The following CD8B2 variants were observed in gnomAD, a reference collection of about 807,000 sequenced individuals.
The protein encoded by CD8B2 is T-cell surface glycoprotein CD8 beta-2 chain.
Under a neutral mutation model 23.7 loss-of-function variants are expected in CD8B2, and 11 were observed. That is an observed-to-expected ratio of 0.46 (90% CI 0.29 to 0.77). The LOEUF (loss-of-function observed/expected upper bound fraction) is 0.77. Among genes scored for constraint, CD8B2 ranks in the 30% least tolerant of loss-of-function variants. The probability of loss-of-function intolerance (pLI) is 0.09; values close to 1 mark genes in which losing one functional copy is unlikely to be tolerated. For missense variants in CD8B2, 197 were observed against 270.5 expected (o/e 0.73, Z 1.91); for synonymous variants, 90 against 109.3 (o/e 0.82, Z 1.10).
chr2:106,488,217 G>T (rs1477189637), intron 1 of CD8B2, among the ~76,000 whole-genome samples: 2 of 151,638 alleles, frequency 1.3e-5, no homozygotes, highest in African/African-American at 4.8e-5. Flanking sequence ...CCCGCCGGGG[G>T]TTCTGGCCCA....
chr2:106,513,987 C>T (rs1433482681), downstream of CD8B2, among the ~76,000 whole-genome samples: 2 of 151,704 alleles, frequency 1.3e-5, no homozygotes, highest in Non-Finnish European at 2.9e-5. Flanking sequence ...GGGCCCTGCT[C>T]AAAGCCCAGC....
At chr2:106,534,426 CAAT>C (rs1351180577) in intron 5 of CD8B2, among the ~76,000 whole-genome samples, 2 of 152,168 alleles carry the variant, frequency 1.3e-5, no homozygotes, top group African/African-American at 4.8e-5. Context: ...ACAACAACAA[CAAT>C]AACAAATTGC....
intron 3 of CD8B2, among the ~76,000 whole-genome samples, chr2:106,497,015 C>G (rs1201155960): frequency 1.3e-5 from 2 of 152,246 alleles, no homozygotes; most frequent in Non-Finnish European, 2.9e-5. Flanking sequence ...TGGCTCACAC[C>G]TGTAATCCCA....
chr2:106,495,444 C>T (rs1385057315), intron 2 of CD8B2, among the ~76,000 whole-genome samples: 1 of 152,122 alleles, frequency 6.6e-6, no homozygotes, highest in African/African-American at 2.4e-5. Flanking sequence ...GAGGCTGAGG[C>T]AGGATAATTG....
rs571891779 is a variant in CD8B2 at position 106,496,056 on chromosome 2, C to T, written c.404-117C>T. The T allele has an allele frequency of 9.0e-5, 136 of 1,517,150 alleles. No individual in the cohort carries two copies. In the African/African-American group the frequency reaches 1.0e-3, roughly 11 times the overall value. The allele number at this position is 1,517,150 out of a possible 1,614,324, so 94.0% of individuals were successfully genotyped here. On this transcript the variant is annotated intron_variant, in intron 2 of 5. Transcript: ENST00000643224. ...TCAAATGATCTCCTGCCTTGGCCTC[C>T]GGAAGTGTTGGGATTCCAGGCATGA... is the stretch of plus-strand genomic sequence containing the variant.
At chr2:106,542,024 C>A (rs926310438) in intron 5 of CD8B2, among the ~76,000 whole-genome samples, 4 of 152,240 alleles carry the variant, frequency 2.6e-5, no homozygotes, top group African/African-American at 4.8e-5. Context: ...CTCCAGCCAA[C>A]TTTTCCTTCT....
chr2:106,514,108 G>A (rs1413650208), downstream of CD8B2, among the ~76,000 whole-genome samples: 1 of 139,388 alleles, frequency 7.2e-6, no homozygotes, highest in Non-Finnish European at 1.6e-5. Flanking sequence ...TGCTCACTCT[G>A]GCAGTTCCAT....
intron 2 of CD8B2, among the ~76,000 whole-genome samples, chr2:106,491,763 G>T (rs570212392): frequency 1.3e-5 from 2 of 152,144 alleles, no homozygotes; most frequent in Non-Finnish European, 2.9e-5. Context: ...TGGCCAGGTG[G>T]GTCTCGAACT....
intron 5 of CD8B2, among the ~76,000 whole-genome samples, chr2:106,519,634 T>C (rs1362101587): frequency 1.3e-5 from 2 of 152,132 alleles, no homozygotes; most frequent in African/African-American, 4.8e-5. Context: ...CCCAAACACA[T>C]GCAGGCCCAG....
chr2:106,528,583 G>C (rs976454433), intron 5 of CD8B2, among the ~76,000 whole-genome samples: 1 of 152,326 alleles, frequency 6.6e-6, no homozygotes, highest in East Asian at 1.9e-4. Flanking sequence ...TCTGCAGTCT[G>C]TTCAATGGAA....
intron 5 of CD8B2, among the ~76,000 whole-genome samples, chr2:106,542,310 T>A (rs1680186764): frequency 6.6e-6 from 1 of 152,236 alleles, no homozygotes; most frequent in Admixed American, 6.5e-5. Context: ...TGACTTCTCT[T>A]GCCATCTTTG....
intron 5 of CD8B2, among the ~76,000 whole-genome samples, chr2:106,521,278 C>G (rs1340981169): frequency 6.6e-6 from 1 of 152,116 alleles, no homozygotes; most frequent in Non-Finnish European, 1.5e-5. Flanking sequence ...GTTTTCTGCT[C>G]CCTACTGCAC....
At chr2:106,493,633 C>T (rs1679238934) in intron 2 of CD8B2, among the ~76,000 whole-genome samples, 6 of 152,204 alleles carry the variant, frequency 3.9e-5, no homozygotes, top group Admixed American at 3.9e-4. Context: ...CTGCTGATGA[C>T]AGTTTCCTCT....
At chr2:106,524,186 G>C (rs1553468415) in intron 5 of CD8B2, among the ~76,000 whole-genome samples, 1 of 152,180 alleles carries the variant, frequency 6.6e-6, no homozygotes, top group Non-Finnish European at 1.5e-5. Context: ...TAGTAGGCTG[G>C]CTTCCTGGGC....
chr2:106,530,524 G>A (rs1380074097), intron 5 of CD8B2, among the ~76,000 whole-genome samples: 6 of 151,678 alleles, frequency 4.0e-5, no homozygotes, highest in African/African-American at 1.2e-4. Context: ...GACTACAGGC[G>A]CCCGCTACCA....
chr2:106,521,011 T>C (rs1195749981), intron 5 of CD8B2, among the ~76,000 whole-genome samples: 10 of 57,460 alleles, frequency 1.7e-4, no homozygotes, highest in East Asian at 5.2e-4. Flanking sequence ...AAAAAAATCA[T>C]AATGTTTTAA....
intron 2 of CD8B2, 65 bp from the exon 3 acceptor site, chr2:106,496,108 G>A: frequency 4.5e-6 from 7 of 1,548,928 alleles, no homozygotes; most frequent in Non-Finnish European, 6.1e-6. Context: ...ATAAGACAAA[G>A]TTTTGTCTTT....
At chr2:106,528,126 A>G (rs866198125) in intron 5 of CD8B2, among the ~76,000 whole-genome samples, 6 of 152,248 alleles carry the variant, frequency 3.9e-5, no homozygotes, top group African/African-American at 1.4e-4. Context: ...AATCCTGCAT[A>G]AATATTGAAC....
intron 5 of CD8B2, among the ~76,000 whole-genome samples, chr2:106,533,039 T>A (rs1167085097): frequency 6.6e-6 from 1 of 152,142 alleles, no homozygotes; most frequent in Non-Finnish European, 1.5e-5. Context: ...GGAGTGGCAA[T>A]ACTTGGAACT....
Sources: allele counts gnomAD v4.1 joint callset (sites outside exome capture counted in the v4.1 genomes callset), GRCh38; gene constraint gnomAD v4.1.1; transcripts MANE v1.5; gene names NCBI Gene and HGNC (gene_info 2026-07-23, HGNC 2026-07-21).